Variants in NELL2 observed in about 807,000 individuals in gnomAD.
NELL2 encodes the protein protein kinase C-binding protein NELL2.
In NELL2, 41 loss-of-function variants were observed where a neutral mutation model predicts 109.6. The observed-to-expected ratio is 0.37, with a 90% CI of 0.29 to 0.49. NELL2 has a LOEUF of 0.49. Ranked by LOEUF, NELL2 falls within the 20% of genes least tolerant of loss-of-function variation. The pLI is 0.98. For missense variants in NELL2, 900 were observed against 1,008.3 expected (o/e 0.89, Z 1.45); for synonymous variants, 355 against 344.7 (o/e 1.03, Z -0.33).
At chr12:44,512,981 A>C (rs1941068867) in intron 19 of NELL2, among the ~76,000 whole-genome samples, 1 of 152,086 alleles carries the variant, frequency 6.6e-6, no homozygotes, top group Non-Finnish European at 1.5e-5. Flanking sequence ...TGTTCCCACC[A>C]CAAAGTAATA....
intron 15 of NELL2, among the ~76,000 whole-genome samples, chr12:44,543,532 T>C (rs1336309561): frequency 6.6e-6 from 1 of 152,192 alleles, no homozygotes; most frequent in Non-Finnish European, 1.5e-5. Context: ...AGGAGGGAAG[T>C]GTCTTGGGAT....
chr12:44,600,894 T>A (rs982377495), intron 15 of NELL2, among the ~76,000 whole-genome samples: 2 of 152,172 alleles, frequency 1.3e-5, no homozygotes, highest in Admixed American at 6.5e-5. Flanking sequence ...TTCAAAATAT[T>A]AATATTCAAT....
intron 11 of NELL2, among the ~76,000 whole-genome samples, chr12:44,710,012 C>T (rs1938109068): frequency 6.6e-6 from 1 of 152,104 alleles, no homozygotes. Context: ...TGCAGGTTAC[C>T]CTGAAAGCTC....
chr12:44,532,049 G>A (rs1430313110), intron 16 of NELL2, among the ~76,000 whole-genome samples: 1 of 152,086 alleles, frequency 6.6e-6, no homozygotes, highest in Admixed American at 6.6e-5. Flanking sequence ...ACTCCTCTTA[G>A]ATTGAAAACT....
intron 2 of NELL2, among the ~76,000 whole-genome samples, chr12:44,849,784 T>C (rs1473436301): frequency 6.6e-6 from 1 of 152,136 alleles, no homozygotes; most frequent in Non-Finnish European, 1.5e-5. Flanking sequence ...TGTGGTATAT[T>C]CATACAGTGA....
chr12:44,692,102 A>G (rs1948916605), intron 12 of NELL2, among the ~76,000 whole-genome samples: 1 of 152,174 alleles, frequency 6.6e-6, no homozygotes, highest in Non-Finnish European at 1.5e-5. Context: ...AGAGAGACAG[A>G]AGTCAATGCT....
In NELL2 at chr12:44,834,623, C is replaced by T. The variant is rs116578878; in HGVS notation, c.185-18487G>A. Among the ~76,000 whole-genome samples the T allele has an allele frequency of 6.1e-3, 933 of 152,162 alleles. 11 individuals carry two copies. Among genetic ancestry groups the T allele is most frequent in the African/African-American group, 0.021 (885 of 41,536 alleles). ...CAGGGCAGGGGTGGGGCACTAAGGCCACTGCCCTGCAAGAGGTCAGGCCCC... is the reference window on the plus strand; with the variant it reads ...CAGGGCAGGGGTGGGGCACTAAGGCTACTGCCCTGCAAGAGGTCAGGCCCC... On this transcript the variant is annotated intron_variant, in intron 2 of 19. Coordinates refer to ENST00000429094, the MANE Select transcript of NELL2 (RefSeq NM_001145108.2).
chr12:44,661,325 G>A (rs778920338), intron 13 of NELL2, among the ~76,000 whole-genome samples: 1 of 152,148 alleles, frequency 6.6e-6, no homozygotes, highest in African/African-American at 2.4e-5. Flanking sequence ...ACCCATCTGG[G>A]ACTCTTCTTG....
At chr12:44,888,622 T>C (rs572484142) in intron 1 of NELL2, among the ~76,000 whole-genome samples, 1 of 151,632 alleles carries the variant, frequency 6.6e-6, no homozygotes, top group South Asian at 2.1e-4. Context: ...CTGGGAATGA[T>C]TAGGTATGAT....
At chr12:44,607,405 T>C in intron 14 of NELL2, 141 bp from the exon 15 acceptor site, 1 of 592,328 alleles carries the variant, frequency 1.7e-6, no homozygotes, top group East Asian at 3.1e-5. Flanking sequence ...ATGTAATATT[T>C]CCCATACATT....
rs186284280 is a variant in NELL2 at position 44,623,145 on chromosome 12, G to A, written c.1445-12175C>T. ...TTGTGGTCGTTACAAGATGAGTAAG[G>A]CAGAATTCTCATTCTCAAGATATCT... On this transcript the variant is annotated intron_variant, in intron 13 of 19. Coordinates refer to ENST00000429094, the MANE Select transcript of NELL2 (RefSeq NM_001145108.2). 1.2e-3 allele frequency among the ~76,000 whole-genome samples: 178 copies of A among 152,122 alleles called. 1 individual carries two copies. The highest frequency in any genetic ancestry group is 3.7e-3 in the African/African-American group (155 of 41,506).
chr12:44,628,638 A>G (rs1946348871), intron 13 of NELL2, among the ~76,000 whole-genome samples: 1 of 152,170 alleles, frequency 6.6e-6, no homozygotes, highest in Admixed American at 6.5e-5. Flanking sequence ...ATCTGAACAC[A>G]TACCCTAAGT....
At chr12:44,629,100 AT>A (rs1175612310) in intron 13 of NELL2, among the ~76,000 whole-genome samples, 7 of 152,166 alleles carry the variant, frequency 4.6e-5, no homozygotes, top group Non-Finnish European at 1.0e-4. Flanking sequence ...ATATAAATCC[AT>A]TCCACTGTAT....
intron 16 of NELL2, among the ~76,000 whole-genome samples, chr12:44,526,255 T>C (rs1195436630): frequency 6.6e-6 from 1 of 152,196 alleles, no homozygotes; most frequent in Non-Finnish European, 1.5e-5. Flanking sequence ...AGTTAATAAC[T>C]GTTTCCTTGG....
Position 44,891,715 on chromosome 12 carries a change from T to C in NELL2, c.39-15815A>G, listed in dbSNP as rs536406663. Among the ~76,000 whole-genome samples, 11 of 152,248 alleles carry C rather than the reference T, an allele frequency of 7.2e-5. No individual in the cohort carries two copies. In the East Asian group the frequency reaches 2.1e-3, roughly 29 times the overall value. The stretch of plus-strand genomic sequence containing the variant: ...AAAGCTCTACTGTAAGAACAGAGCT[T>C]GAGTCTACCTTAGTCATATGATTAA... On this transcript the variant is annotated intron_variant, in intron 1 of 20. Coordinates refer to the NELL2 transcript ENST00000333837.
intron 1 of NELL2, among the ~76,000 whole-genome samples, chr12:44,889,749 G>C (rs1186976880): frequency 6.6e-6 from 1 of 150,656 alleles, no homozygotes; most frequent in Non-Finnish European, 1.5e-5. Flanking sequence ...TTTTCAAAGG[G>C]AGATTTTTAT....
At chr12:44,519,915 C>A in intron 19 of NELL2, 90 bp downstream of exon 19, 1 of 1,104,866 alleles carries the variant, frequency 9.1e-7, no homozygotes, top group Non-Finnish European at 1.3e-6. Flanking sequence ...AAAAAAAAAC[C>A]TTCCTATTGT....
intron 13 of NELL2, among the ~76,000 whole-genome samples, chr12:44,639,030 A>T (rs547511684): frequency 6.6e-6 from 1 of 152,306 alleles, no homozygotes; most frequent in South Asian, 2.1e-4. Context: ...AGATATTTTA[A>T]ATCTTTTTTC....
intron 9 of NELL2, among the ~76,000 whole-genome samples, chr12:44,765,271 TG>T (rs1941283311): frequency 6.6e-6 from 1 of 152,230 alleles, no homozygotes; most frequent in East Asian, 1.9e-4. Flanking sequence ...TTACTGAGTT[TG>T]TTGCACAAGT....
Sources: allele counts gnomAD v4.1 joint callset (sites outside exome capture counted in the v4.1 genomes callset), GRCh38; gene constraint gnomAD v4.1.1; transcripts MANE v1.5; gene names NCBI Gene and HGNC (gene_info 2026-07-23, HGNC 2026-07-21).